GRB10: variants seen among roughly 807,000 people sequenced by gnomAD.
GRB10 encodes growth factor receptor bound protein 10, also known as growth factor receptor-bound protein 10.
GRB10 carries 20 observed loss-of-function variants against 80.9 expected under a neutral mutation model. The ratio of observed to expected loss-of-function variants is 0.25; its 90% confidence interval spans 0.17 to 0.36. GRB10 has a LOEUF of 0.36. GRB10 is among the 10% of genes least tolerant of loss of function. The pLI is 1.00. For missense variants in GRB10, 548 were observed against 747.7 expected (o/e 0.73, Z 3.12); for synonymous variants, 291 against 291.5 (o/e 1.00, Z 0.02).
chr7:50,691,451 C>A (rs533577033), intron 5 of GRB10, among the ~76,000 whole-genome samples: 17 of 152,246 alleles, frequency 1.1e-4, no homozygotes, highest in Admixed American at 1.1e-3. Context: ...ATAATTGTGC[C>A]TACCTCATAG....
At position 50,782,247 on chromosome 7, in the gene GRB10, G is replaced by A. The variant is rs1260411209; in HGVS notation, c.-327+177C>T. Among the ~76,000 whole-genome samples the A allele has an allele frequency of 1.3e-5, 2 of 151,816 alleles. No homozygotes were observed. Among genetic ancestry groups the A allele is most frequent in the Admixed American group, 6.6e-5 (1 of 15,232 alleles). ...AGCTCGGGATCTCGGACTGCAGCGA[G>A]CCCGCGGCAGGCGGGCAGGGGGCCG... is the stretch of plus-strand genomic sequence containing the variant. On this transcript the variant is annotated intron_variant, in intron 1 of 18. Transcript: ENST00000401949. The surrounding 1 kb of genome is among the most constrained non-coding windows in gnomAD (Gnocchi z 6.6).
intron 14 of GRB10, among the ~76,000 whole-genome samples, chr7:50,605,904 A>G (rs1428899126): frequency 6.6e-6 from 1 of 152,234 alleles, no homozygotes; most frequent in East Asian, 1.9e-4. Flanking sequence ...CTTTGAGAAC[A>G]GAGTGCCCAG....
At chr7:50,699,188 T>C (rs935759000) in intron 5 of GRB10, among the ~76,000 whole-genome samples, 10 of 152,134 alleles carry the variant, frequency 6.6e-5, no homozygotes, top group African/African-American at 2.4e-4. Flanking sequence ...TCTGTGTAAA[T>C]TTTCTATTTG....
chr7:50,733,836 TAC>T (rs995994564), intron 3 of GRB10, among the ~76,000 whole-genome samples: 2 of 152,184 alleles, frequency 1.3e-5, no homozygotes, highest in Non-Finnish European at 2.9e-5. Flanking sequence ...GGTTAATGTC[TAC>T]AGTTACTTGG....
chr7:50,641,782 G>A (rs1209921116), intron 7 of GRB10, among the ~76,000 whole-genome samples: 3 of 152,220 alleles, frequency 2.0e-5, no homozygotes, highest in Non-Finnish European at 2.9e-5. Flanking sequence ...TGACACTGGC[G>A]AGAGAAGGCA....
intron 2 of GRB10, among the ~76,000 whole-genome samples, chr7:50,758,752 G>C (rs2075397905): frequency 6.6e-6 from 1 of 152,212 alleles, no homozygotes; most frequent in African/African-American, 2.4e-5. Flanking sequence ...TGTTTTCCCA[G>C]AGTAAGAGGG....
chr7:50,674,437 T>G lies in GRB10; in HGVS notation c.361A>C (p.Arg121=). Residue 121 remains arginine, a splice_region_variant and synonymous_variant, in exon 6 of 19, where the codon AGG becomes CGG. Coordinates refer to ENST00000401949, the MANE Select transcript of GRB10 (RefSeq NM_001350814.2). ...TCTGCCCATAAGGCCTGGACCTACC[T>G]GACAGCGAGGATGTGCACAGGCTGG... The part of the protein sequence containing the change: ...RSQPVHILAV[R]RLQEEDQQFR... 1.2e-6 allele frequency: 2 copies of G among 1,603,726 alleles called. No homozygotes were observed. The highest frequency in any genetic ancestry group is 1.7e-6 in the Non-Finnish European group (2 of 1,179,926).
At chr7:50,607,773 T>C (rs1308452394) in intron 13 of GRB10, among the ~76,000 whole-genome samples, 3 of 152,188 alleles carry the variant, frequency 2.0e-5, no homozygotes, top group Admixed American at 2.0e-4. Flanking sequence ...TAGTCTGCAC[T>C]TTCTGATCCT....
intron 7 of GRB10, among the ~76,000 whole-genome samples, chr7:50,659,800 G>A (rs1426057024): frequency 6.6e-6 from 1 of 152,238 alleles, no homozygotes; most frequent in Non-Finnish European, 1.5e-5. Flanking sequence ...GCAATGCAAT[G>A]GGATCTGCTA....
chr7:50,791,823 A>G (rs1409505123), intron 1 of GRB10, among the ~76,000 whole-genome samples: 1 of 152,236 alleles, frequency 6.6e-6, no homozygotes, highest in Non-Finnish European at 1.5e-5. Context: ...AAAAACCTAG[A>G]CATCTAGAAT....
intron 3 of GRB10, among the ~76,000 whole-genome samples, chr7:50,754,196 A>G (rs796293610): frequency 3.9e-5 from 6 of 152,346 alleles, no homozygotes; most frequent in African/African-American, 1.4e-4. Flanking sequence ...TGAGCAGTCA[A>G]GAGGCAAGAC....
chr7:50,592,943 C>T lies in GRB10; in HGVS notation c.*9G>A, dbSNP rs771156851. The stretch of plus-strand genomic sequence containing the variant: ...TTCCTCCAGTCTTCAGCCGAGAGGA[C>T]ATCTGCGGTCATAAGGCCACTCGGA... On this transcript the variant is annotated 3_prime_UTR_variant, in exon 19 of 19. Coordinates refer to ENST00000401949, the MANE Select transcript of GRB10 (RefSeq NM_001350814.2). The T allele has an allele frequency of 6.2e-7, 1 of 1,614,166 alleles. No homozygotes were observed. Among genetic ancestry groups the T allele is most frequent in the Non-Finnish European group, 8.5e-7 (1 of 1,179,998 alleles).
intron 3 of GRB10, among the ~76,000 whole-genome samples, chr7:50,742,263 G>GCA (rs2071929969): frequency 3.8e-5 from 1 of 26,414 alleles, no homozygotes; most frequent in Admixed American, 4.8e-4. Flanking sequence ...ACACGCGCAC[G>GCA]CGCGCGCGCA....
chr7:50,619,360 T>C (rs2051236416), intron 8 of GRB10, 75 bp from the exon 9 acceptor site: 5 of 854,652 alleles, frequency 5.9e-6, no homozygotes, highest in Non-Finnish European at 1.0e-5. Context: ...AAATGGAAGA[T>C]TTGTTCAACT....
At chr7:50,792,128 G>C (rs2078944032) in intron 1 of GRB10, among the ~76,000 whole-genome samples, 1 of 152,174 alleles carries the variant, frequency 6.6e-6, no homozygotes, top group African/African-American at 2.4e-5. Flanking sequence ...GGCTGAATCA[G>C]CATTTTCAGA....
chr7:50,600,024 A>C (rs2047330737), intron 17 of GRB10, among the ~76,000 whole-genome samples: 1 of 152,202 alleles, frequency 6.6e-6, no homozygotes, highest in Non-Finnish European at 1.5e-5. Flanking sequence ...CTTAGTGGCC[A>C]CAGCACCAAA....
chr7:50,702,341 A>G (rs1195542064), intron 5 of GRB10, among the ~76,000 whole-genome samples: 1 of 152,204 alleles, frequency 6.6e-6, no homozygotes, highest in Non-Finnish European at 1.5e-5. Flanking sequence ...CGGAGAAGGG[A>G]AAGCGCAGCC....
Position 50,710,939 on chromosome 7 carries a change from G to A in GRB10, c.52-7031C>T, listed in dbSNP as rs368602796. On this transcript the variant is annotated intron_variant, in intron 4 of 18. Transcript: ENST00000401949. ...TCTCTCTCTCCCTCTCTCTACAGTG[G>A]GTATCACGTGGCTGTGTCCTCAGCC... 3 of 1,605,238 alleles carry A rather than the reference G, an allele frequency of 1.9e-6. No homozygotes were observed. In the African/African-American group the frequency reaches 4.0e-5, roughly 21 times the overall value.
intron 7 of GRB10, among the ~76,000 whole-genome samples, chr7:50,663,345 C>T (rs1383423588): frequency 6.6e-6 from 1 of 152,142 alleles, no homozygotes; most frequent in Non-Finnish European, 1.5e-5. Flanking sequence ...AGGAGGCATC[C>T]CTCCCATGTG....
Sources: gnomAD v4.1 joint callset for allele counts (sites outside exome capture counted in the v4.1 genomes callset) on GRCh38, gnomAD v4.1.1 for gene constraint, Gnocchi (gnomAD v3.1) non-coding constraint, MANE v1.5 for transcripts, NCBI Gene and HGNC (gene_info 2026-07-23, HGNC 2026-07-21) for gene names.